NAA16: variants seen among roughly 807,000 people sequenced by gnomAD.
NAA16 encodes NARG1-like protein.
In NAA16, 97 loss-of-function variants were observed where a neutral mutation model predicts 110.3. The ratio of observed to expected loss-of-function variants is 0.88; its 90% CI spans 0.75 to 1.04. NAA16 has a LOEUF of 1.04. NAA16 is among the 50% of genes least tolerant of loss of function. NAA16 has a pLI of 0.00. For synonymous variants in NAA16, 372 were observed against 330.6 expected, an observed-to-expected ratio of 1.13 and a Z score of -1.36; for missense variants, 1,017 against 1,005.1, an observed-to-expected ratio of 1.01 and a Z score of -0.16.
intron 9 of NAA16, among the ~76,000 whole-genome samples, chr13:41,348,309 C>T (rs895213179): frequency 5.3e-5 from 8 of 151,934 alleles, no homozygotes; most frequent in African/African-American, 1.2e-4. Context: ...CTGGGACTAC[C>T]GGCGTGCACC....
At chr13:41,336,845 T>A in intron 9 of NAA16, 89 bp downstream of exon 9, 1 of 690,520 alleles carries the variant, frequency 1.4e-6, no homozygotes, top group Non-Finnish European at 2.3e-6. Flanking sequence ...TATTACTTAA[T>A]CATTTTCTTT....
At chr13:41,332,878 C>T (rs1350336204) in intron 8 of NAA16, among the ~76,000 whole-genome samples, 1 of 152,124 alleles carries the variant, frequency 6.6e-6, no homozygotes, top group African/African-American at 2.4e-5. Context: ...TCATTTTATA[C>T]TATTGCATTT....
At chr13:41,348,457 C>T (rs1200367465) in intron 9 of NAA16, among the ~76,000 whole-genome samples, 2 of 152,198 alleles carry the variant, frequency 1.3e-5, no homozygotes, top group African/African-American at 4.8e-5. Context: ...GCCACCACTC[C>T]TGGCTGATGT....
chr13:41,313,940 T>C (rs1475572975), intron 1 of NAA16, among the ~76,000 whole-genome samples: 2 of 150,132 alleles, frequency 1.3e-5, no homozygotes, highest in Non-Finnish European at 3.0e-5. Context: ...CACTGCAACC[T>C]CTGCCTCCCA....
At chr13:41,312,304 A>T (rs1415913486) in intron 1 of NAA16, among the ~76,000 whole-genome samples, 1 of 152,040 alleles carries the variant, frequency 6.6e-6, no homozygotes. Context: ...CTGGTTTTGC[A>T]TTTGAGGGGA....
In NAA16 at chr13:41,358,421, C is replaced by A; in HGVS notation, c.1205C>A (p.Ala402Asp). ...TTGGATTATATTAATGCTGCAATTG[C>A]TAGTACTCCAACTCTAATAGAATTA... ...LALDYINAAI[A>D]STPTLIELFY... The change falls in exon 11 of 20, where the codon GCT becomes GAT. Residue 402 changes from alanine (A) to aspartate (D), a missense_variant. By Grantham distance (126) the Ala-to-Asp change is moderately radical. Transcript: ENST00000379406. The A allele has an allele frequency of 6.2e-7, 1 of 1,613,020 alleles. No homozygotes were observed. Among genetic ancestry groups the A allele is most frequent in the Non-Finnish European group, 8.5e-7 (1 of 1,179,052 alleles).
At chr13:41,351,488 T>G (rs935929239) in intron 9 of NAA16, among the ~76,000 whole-genome samples, 1 of 152,210 alleles carries the variant, frequency 6.6e-6, no homozygotes, top group Non-Finnish European at 1.5e-5. Context: ...CAGTGACATT[T>G]TAAACCTGTG....
At chr13:41,372,704 T>G in intron 16 of NAA16, 28 bp from the exon 17 acceptor site, 1 of 1,575,306 alleles carries the variant, frequency 6.3e-7, no homozygotes, top group East Asian at 2.3e-5. Flanking sequence ...GTATTAATGC[T>G]ATTACTTTTG....
intron 3 of NAA16, among the ~76,000 whole-genome samples, chr13:41,319,406 A>T (rs1267945746): frequency 6.6e-6 from 1 of 152,182 alleles, no homozygotes; most frequent in East Asian, 1.9e-4. Flanking sequence ...TATAAGTATG[A>T]TATTGGTTCT....
chr13:41,329,385 T>C (rs2042175355), intron 7 of NAA16, among the ~76,000 whole-genome samples: 1 of 151,968 alleles, frequency 6.6e-6, no homozygotes, highest in Non-Finnish European at 1.5e-5. Context: ...AAGATTTTTG[T>C]AATATTTTCA....
intron 13 of NAA16, among the ~76,000 whole-genome samples, chr13:41,366,915 A>G (rs1464769670): frequency 3.9e-5 from 6 of 152,178 alleles, no homozygotes; most frequent in Admixed American, 2.0e-4. Context: ...TTATCTCTTG[A>G]GTGGGCAAAT....
In NAA16 at chr13:41,320,737, T is replaced by C. The variant is rs1291955420; in HGVS notation, c.315T>C (p.Asn105=). 1.9e-6 allele frequency: 3 copies of C among 1,613,486 alleles called. No homozygotes were observed. Among genetic ancestry groups the C allele is most frequent in the Non-Finnish European group, 2.5e-6 (3 of 1,179,942 alleles). The change falls in exon 4 of 20, where the codon AAT becomes AAC. Residue 105 remains asparagine, a synonymous_variant. Transcript: ENST00000379406. ...ATGAAGCTATAAAATGTTACCGAAATGCCCTCAAATTAGATAAAGATAACC... is the reference window on the plus strand; with the variant it reads ...ATGAAGCTATAAAATGTTACCGAAACGCCCTCAAATTAGATAAAGATAACC... ...KYDEAIKCYR[N]ALKLDKDNLQ...
intron 7 of NAA16, 144 bp from the exon 8 acceptor site, chr13:41,331,130 A>C: frequency 1.9e-6 from 1 of 531,456 alleles, no homozygotes. Context: ...ACAGAGTTTT[A>C]AATGTCATTT....
At chr13:41,351,556 C>T (rs1402500672) in intron 9 of NAA16, among the ~76,000 whole-genome samples, 3 of 152,134 alleles carry the variant, frequency 2.0e-5, no homozygotes, top group Non-Finnish European at 4.4e-5. Flanking sequence ...GGGACTTTGT[C>T]TTTAAGGTTA....
chr13:41,327,427 A>G (rs2042121909), intron 6 of NAA16, among the ~76,000 whole-genome samples: 1 of 150,220 alleles, frequency 6.7e-6, no homozygotes. Flanking sequence ...AAATGCATTC[A>G]ATATAATCCA....
At chr13:41,312,765 A>C (rs1593387977) in intron 1 of NAA16, among the ~76,000 whole-genome samples, 1 of 152,132 alleles carries the variant, frequency 6.6e-6, no homozygotes, top group South Asian at 2.1e-4. Context: ...TAGTCTTCAG[A>C]TTAGGATACA....
rs938031614 is a variant in NAA16 at position 41,342,369 on chromosome 13, C to T, written c.1014+5613C>T. On this transcript the variant is annotated intron_variant, in intron 9 of 19. Coordinates refer to ENST00000379406, the MANE Select transcript of NAA16 (RefSeq NM_024561.5). The stretch of plus-strand genomic sequence containing the variant: ...CCCAGGCTGGTCTCGAACTCCTGAG[C>T]GCAAGCAATCCGCCATCCTTGGCCT... Among the ~76,000 whole-genome samples, 9 of 152,202 alleles carry T rather than the reference C, an allele frequency of 5.9e-5. No individual in the cohort carries two copies. The East Asian group carries it at 7.7e-4, about 13-fold the overall frequency.
At chr13:41,312,048 C>T (rs1261300068) in intron 1 of NAA16, among the ~76,000 whole-genome samples, 2 of 152,186 alleles carry the variant, frequency 1.3e-5, no homozygotes, top group African/African-American at 4.8e-5. Context: ...CCTATTAAAG[C>T]GGGATCGATG....
At chr13:41,328,637 C>A (rs996656243) in intron 6 of NAA16, 87 bp from the exon 7 acceptor site, 9 of 1,097,782 alleles carry the variant, frequency 8.2e-6, no homozygotes, top group Non-Finnish European at 1.2e-5. Context: ...TTTTAACCAT[C>A]TGTTCACTGA....
Sources: allele counts gnomAD v4.1 joint callset (sites outside exome capture counted in the v4.1 genomes callset), GRCh38; gene constraint gnomAD v4.1.1; transcripts MANE v1.5; gene names NCBI Gene and HGNC (gene_info 2026-07-23, HGNC 2026-07-21).